The following NUP214 variants were observed in gnomAD, a reference collection of about 807,000 sequenced individuals.
NUP214 encodes the protein nuclear pore complex protein Nup214.
A neutral mutation model predicts 196.2 loss-of-function variants in NUP214; 79 were observed. The observed-to-expected ratio is 0.40, with a 90% CI of 0.34 to 0.49. The LOEUF is 0.49. NUP214 is among the 20% of genes least tolerant of loss of function. The pLI, the probability that NUP214 is intolerant of heterozygous loss-of-function variation, is 0.58. For synonymous variants in NUP214, 1,020 were observed against 990.5 expected (o/e 1.03, Z -0.56); for missense variants, 2,468 against 2,539.0 (o/e 0.97, Z 0.60).
intron 32 of NUP214, among the ~76,000 whole-genome samples, chr9:131,223,723 A>ATT (rs1222974193): frequency 6.9e-4 from 13 of 18,978 alleles, no homozygotes; most frequent in African/African-American, 1.3e-3. Context: ...TTATTTATTT[A>ATT]TTTATTTTTT....
At chr9:131,205,929 C>G (rs2131061975) in intron 30 of NUP214, among the ~76,000 whole-genome samples, 1 of 152,072 alleles carries the variant, frequency 6.6e-6, no homozygotes, top group East Asian at 1.9e-4. Flanking sequence ...GTGATCTGCC[C>G]ACCTCGACTT....
Position 131,125,806 on chromosome 9 carries a change from C to T in NUP214, c.45+57C>T, listed in dbSNP as rs1006886538. On this transcript the variant is annotated intron_variant, in intron 1 of 35. Transcript: ENST00000359428. The surrounding 1 kb of genome is among the most constrained non-coding windows in gnomAD (Gnocchi z 4.1). ...TTTAGTCCTGGCGTTGCCTTGGAGCCCAGCTGAAAGGCGAAGCGCGGTGCT... is the reference window on the plus strand; with the variant it reads ...TTTAGTCCTGGCGTTGCCTTGGAGCTCAGCTGAAAGGCGAAGCGCGGTGCT... The T allele has an allele frequency of 2.4e-5, 37 of 1,539,096 alleles. No individual in the cohort carries two copies. The highest frequency in any genetic ancestry group is 3.2e-5 in the Non-Finnish European group (36 of 1,137,206).
intron 21 of NUP214, among the ~76,000 whole-genome samples, chr9:131,170,803 C>T (rs72768585): frequency 5.1e-4 from 75 of 148,196 alleles, no homozygotes; most frequent in East Asian, 3.8e-3. Context: ...TTATTATTAT[C>T]ATTATTATTA....
rs367881907 is a variant in NUP214 at position 131,176,409 on chromosome 9, C to T, written c.3319+788C>T. Among the ~76,000 whole-genome samples, 398 of 151,982 alleles carry T rather than the reference C, an allele frequency of 2.6e-3. 4 individuals carry two copies. The highest frequency in any genetic ancestry group is 9.2e-3 in the African/African-American group (381 of 41,452). On this transcript the variant is annotated intron_variant, in intron 23 of 35. Transcript: ENST00000359428. ...TGCGATCACGGCTCGCTGCAGCCTCCGTGATCTCCCGAACCCAGGTGACCT... is the reference window on the plus strand; with the variant it reads ...TGCGATCACGGCTCGCTGCAGCCTCTGTGATCTCCCGAACCCAGGTGACCT...
chr9:131,157,366 G>T (rs1832485234), intron 17 of NUP214, among the ~76,000 whole-genome samples: 2 of 151,100 alleles, frequency 1.3e-5, no homozygotes, highest in Admixed American at 1.3e-4. Flanking sequence ...TTGCTGTGTT[G>T]CCCAAGCAGG....
intron 21 of NUP214, chr9:131,165,017 T>C (rs148882111): frequency 2.2e-4 from 33 of 152,376 alleles, no homozygotes; most frequent in African/African-American, 6.2e-4. Context: ...CACATAGAGC[T>C]AAATTAGATA....
chr9:131,184,020 C>CT (rs1833370458), intron 24 of NUP214, among the ~76,000 whole-genome samples: 4 of 129,362 alleles, frequency 3.1e-5, no homozygotes, highest in Admixed American at 1.6e-4. Context: ...TTTCTTTTTT[C>CT]TTTTTCTTTT....
chr9:131,224,225 G>A (rs994915764), intron 32 of NUP214, among the ~76,000 whole-genome samples: 3 of 152,076 alleles, frequency 2.0e-5, no homozygotes, highest in African/African-American at 4.8e-5. Flanking sequence ...TTATAATCAT[G>A]TATGATGTAT....
Position 131,233,479 on chromosome 9 carries a change from C to T in NUP214, c.6265C>T (p.Arg2089Ter), listed in dbSNP as rs1834933028. ...GTCTGTCCAGGGTTTTGGTGGCTGGCGAAGCTGAGGGCGTGTCAGCAGGCC... is the reference window on the plus strand; with the variant it reads ...GTCTGTCCAGGGTTTTGGTGGCTGGTGAAGCTGAGGGCGTGTCAGCAGGCC... ...NSSVQGFGGWRS is the reference protein window; with the variant it reads ...NSSVQGFGGW The change falls in exon 36 of 36, where the codon CGA (arginine) becomes TGA (stop). Residue 2089 changes from arginine to a stop codon, truncating the protein, a stop_gained. Coordinates refer to ENST00000359428, the MANE Select transcript of NUP214 (RefSeq NM_005085.4). LOFTEE classifies it high-confidence loss of function. 6.2e-7 allele frequency: 1 copy of T among 1,613,270 alleles called. No individual in the cohort carries two copies.
chr9:131,140,612 G>A lies in NUP214; in HGVS notation c.1196G>A (p.Cys399Tyr). ...TTACTTTCAACAGATGGTGTGCTTT[G>A]TCCATTTTATATGATTAATCAAAAT... is the stretch of plus-strand genomic sequence containing the variant. ...LMLLSTDGVL[C>Y]PFYMINQNPG... The change falls in exon 11 of 36, where the codon TGT (cysteine) becomes TAT (tyrosine). Residue 399 changes from cysteine (C) to tyrosine (Y), a missense_variant. Physicochemically the swap from Cys to Tyr is radical, Grantham distance 194. Coordinates refer to ENST00000359428, the MANE Select transcript of NUP214 (RefSeq NM_005085.4). 1 of 1,613,816 alleles carries A rather than the reference G, an allele frequency of 6.2e-7. No homozygotes were observed. Among genetic ancestry groups the A allele is most frequent in the South Asian group, 1.1e-5 (1 of 91,062 alleles).
At chr9:131,159,100 G>T in intron 17 of NUP214, 1 of 360,744 alleles carries the variant, frequency 2.8e-6, no homozygotes, top group South Asian at 5.0e-5. Flanking sequence ...CATTATTAGA[G>T]ACAGAGTCTT....
chr9:131,134,565 G>T (rs1237825227), intron 7 of NUP214, among the ~76,000 whole-genome samples: 1 of 152,156 alleles, frequency 6.6e-6, no homozygotes, highest in Middle Eastern at 3.4e-3. Context: ...TGGAAGTTTT[G>T]TATGTATCAT....
chr9:131,129,180 T>G, intron 3 of NUP214, 99 bp from the exon 4 acceptor site: 1 of 969,330 alleles, frequency 1.0e-6, no homozygotes, highest in Non-Finnish European at 1.6e-6. Flanking sequence ...TAAACTGATT[T>G]GAGATACCTT....
chr9:131,136,984 A>G (rs566316845), intron 9 of NUP214, among the ~76,000 whole-genome samples: 2 of 152,316 alleles, frequency 1.3e-5, no homozygotes, highest in African/African-American at 4.8e-5. Context: ...CTCTTCAACC[A>G]TTGGCATTTA....
At chr9:131,130,871 A>G (rs757082787) in intron 5 of NUP214, 35 bp downstream of exon 5, 1 of 1,582,836 alleles carries the variant, frequency 6.3e-7, no homozygotes, top group Admixed American at 1.7e-5. Flanking sequence ...AATTTTTCTT[A>G]AGTTGCCCAC....
At chr9:131,166,213 A>G (rs1832782328) in intron 21 of NUP214, among the ~76,000 whole-genome samples, 2 of 152,240 alleles carry the variant, frequency 1.3e-5, no homozygotes, top group Admixed American at 6.5e-5. Flanking sequence ...CTTTGAACAC[A>G]TGCCTTATAA....
At chr9:131,205,633 C>G (rs1024276026) in intron 30 of NUP214, among the ~76,000 whole-genome samples, 15 of 152,204 alleles carry the variant, frequency 9.9e-5, no homozygotes, top group Admixed American at 9.2e-4. Context: ...TATATTCATA[C>G]AGCCCAATAC....
At chr9:131,147,858 C>T (rs960649400) in intron 14 of NUP214, among the ~76,000 whole-genome samples, 4 of 152,160 alleles carry the variant, frequency 2.6e-5, no homozygotes, top group African/African-American at 9.7e-5. Context: ...CTGAACATAC[C>T]TTGGTAACTA....
At chr9:131,177,975 T>C (rs1476583174) in intron 23 of NUP214, among the ~76,000 whole-genome samples, 4 of 152,192 alleles carry the variant, frequency 2.6e-5, no homozygotes, top group Non-Finnish European at 5.9e-5. Context: ...TAGATGCTGT[T>C]AATCCTCTAG....
Sources: gnomAD v4.1 joint callset for allele counts (sites outside exome capture counted in the v4.1 genomes callset) on GRCh38, gnomAD v4.1.1 for gene constraint, Gnocchi (gnomAD v3.1) non-coding constraint, MANE v1.5 for transcripts, NCBI Gene and HGNC (gene_info 2026-07-23, HGNC 2026-07-21) for gene names.